The following CSMD3 variants were observed in gnomAD, a reference collection of about 807,000 sequenced individuals.
CSMD3 encodes the protein CUB and Sushi multiple domains 3.
In CSMD3, 177 loss-of-function variants were observed where a neutral mutation model predicts 435.2. That is an observed-to-expected ratio of 0.41 (90% CI 0.36 to 0.46). The LOEUF (loss-of-function observed/expected upper bound fraction) is 0.46, where lower values mean the gene tolerates loss of function less well. Among genes scored for constraint, CSMD3 ranks in the 20% least tolerant of loss-of-function variants. The pLI is 0.34. For missense variants in CSMD3, 4,265 were observed against 4,504.6 expected (o/e 0.95, Z 1.52); for synonymous variants, 1,656 against 1,520.5 (o/e 1.09, Z -2.07).
intron 11 of CSMD3, among the ~76,000 whole-genome samples, chr8:112,857,225 TTAAG>T (rs752779780): frequency 2.0e-5 from 3 of 151,670 alleles, no homozygotes; most frequent in Non-Finnish European, 4.4e-5. Flanking sequence ...CAGATCAAAA[TTAAG>T]TGTCTACATT....
chr8:112,727,124 C>T (rs1253438233), intron 13 of CSMD3, among the ~76,000 whole-genome samples: 2 of 151,598 alleles, frequency 1.3e-5, no homozygotes, highest in African/African-American at 4.8e-5. Context: ...TTTTCTGGAA[C>T]TATACAAATG....
intron 27 of CSMD3, among the ~76,000 whole-genome samples, chr8:112,529,654 A>G (rs1303235147): frequency 2.0e-5 from 3 of 151,952 alleles, no homozygotes; most frequent in Non-Finnish European, 2.9e-5. Context: ...TTGTTGGTAG[A>G]GACTCTAGAA....
At chr8:112,342,134 A>T (rs1415688479) in intron 41 of CSMD3, among the ~76,000 whole-genome samples, 1 of 152,166 alleles carries the variant, frequency 6.6e-6, no homozygotes, top group Non-Finnish European at 1.5e-5. Context: ...ATTAGAAGTT[A>T]TTCATTCACA....
intron 63 of CSMD3, among the ~76,000 whole-genome samples, chr8:112,253,102 G>A (rs1016604779): frequency 1.3e-5 from 2 of 151,724 alleles, no homozygotes; most frequent in South Asian, 2.1e-4. Context: ...TTAGTACACC[G>A]ACACTAACAT....
intron 4 of CSMD3, among the ~76,000 whole-genome samples, chr8:113,125,293 C>T (rs2091094624): frequency 6.6e-6 from 1 of 151,984 alleles, no homozygotes; most frequent in Admixed American, 6.6e-5. Flanking sequence ...TATGCCACAT[C>T]TGTGTATCTA....
At position 112,556,802 on chromosome 8, in the gene CSMD3, C is replaced by G. The variant is rs2131224301; in HGVS notation, c.4195G>C (p.Glu1399Gln). The G allele has an allele frequency of 1.2e-6, 2 of 1,612,458 alleles. No homozygotes were observed. The highest frequency in any genetic ancestry group is 1.7e-6 in the Non-Finnish European group (2 of 1,178,960). Residue 1399 changes from glutamate to glutamine, a missense_variant, in exon 25 of 71, where the codon GAG becomes CAG. Glu to Gln is a conservative substitution (Grantham distance 29). Coordinates refer to ENST00000297405, the MANE Select transcript of CSMD3 (RefSeq NM_198123.2). ...GSSLLKCMTG[E>Q]RRAWDYPLPS... Reference sequence around the variant, plus strand: ...AGAGGATAGTCCCATGCCCTTCTCTCCCCTGTCATGCACTTGAGAAGGCTA... The same window carrying G: ...AGAGGATAGTCCCATGCCCTTCTCTGCCCTGTCATGCACTTGAGAAGGCTA...
intron 19 of CSMD3, among the ~76,000 whole-genome samples, chr8:112,647,797 T>C (rs375951792): frequency 1.3e-5 from 2 of 152,310 alleles, no homozygotes; most frequent in East Asian, 3.9e-4. Context: ...CTAAATGAGA[T>C]TATTTTACAT....
At chr8:112,358,072 C>A (rs373044301) in intron 38 of CSMD3, among the ~76,000 whole-genome samples, 1 of 152,136 alleles carries the variant, frequency 6.6e-6, no homozygotes, top group South Asian at 2.1e-4. Context: ...TAAGAGGGAA[C>A]CTACCTCTTA....
At chr8:112,302,815 CA>C (rs986685413) in intron 52 of CSMD3, among the ~76,000 whole-genome samples, 18 of 150,636 alleles carry the variant, frequency 1.2e-4, no homozygotes, top group East Asian at 5.9e-4. Flanking sequence ...CTCATCCCCC[CA>C]AAAAAAATCA....
At chr8:113,143,600 C>T (rs2091601947) in intron 4 of CSMD3, among the ~76,000 whole-genome samples, 1 of 151,334 alleles carries the variant, frequency 6.6e-6, no homozygotes, top group South Asian at 2.1e-4. Context: ...TTCATGTCAT[C>T]AAATGCTAAT....
chr8:112,500,443 G>A (rs150068577), intron 30 of CSMD3, among the ~76,000 whole-genome samples: 75 of 152,126 alleles, frequency 4.9e-4, no homozygotes, highest in Admixed American at 9.8e-4. Context: ...AAACATTCAA[G>A]AAATAGATGA....
intron 1 of CSMD3, among the ~76,000 whole-genome samples, chr8:113,368,839 T>A (rs915714652): frequency 6.6e-6 from 1 of 152,066 alleles, no homozygotes; most frequent in Non-Finnish European, 1.5e-5. Context: ...TATCCCTTAA[T>A]CTTAGGTATT....
At chr8:113,040,504 T>C (rs1268652407) in intron 5 of CSMD3, among the ~76,000 whole-genome samples, 15 of 152,160 alleles carry the variant, frequency 9.9e-5, no homozygotes, top group Non-Finnish European at 1.6e-4. Context: ...GGGAATAGAA[T>C]TGATGGCAAT....
In CSMD3 at chr8:112,617,375, C is replaced by T. The variant is rs144432161; in HGVS notation, c.3715+19442G>A. ...TGGCCCAGGCCATTATTAAAATGGA[C>T]CAGATAAGTGCATGAATTAATGTTT... On this transcript the variant is annotated intron_variant, in intron 22 of 70. Coordinates refer to ENST00000297405, the MANE Select transcript of CSMD3 (RefSeq NM_198123.2). Among the ~76,000 whole-genome samples the T allele has an allele frequency of 1.6e-3, 239 of 152,188 alleles. 1 individual carries two copies. Among genetic ancestry groups the T allele is most frequent in the African/African-American group, 5.2e-3 (217 of 41,542 alleles).
chr8:113,289,559 AG>A (rs2093670901), intron 2 of CSMD3, among the ~76,000 whole-genome samples: 1 of 27,776 alleles, frequency 3.6e-5, no homozygotes, highest in Non-Finnish European at 6.5e-5. Flanking sequence ...AGAGACAGAG[AG>A]AGAGAGAGAG....
chr8:112,685,857 TATAAAAC>T (rs2075999193), intron 14 of CSMD3, 125 bp from the exon 15 acceptor site: 1 of 705,744 alleles, frequency 1.4e-6, no homozygotes, highest in Non-Finnish European at 2.3e-6. Context: ...TTATGTAAAT[TATAAAAC>T]AGAACAAAAC....
chr8:113,352,641 A>C (rs546535786), intron 1 of CSMD3, among the ~76,000 whole-genome samples: 2 of 152,256 alleles, frequency 1.3e-5, no homozygotes, highest in East Asian at 3.9e-4. Context: ...TCTCTTTAGG[A>C]GATGACATTT....
intron 1 of CSMD3, among the ~76,000 whole-genome samples, chr8:113,348,744 T>A (rs1298892774): frequency 2.0e-5 from 3 of 152,102 alleles, no homozygotes; most frequent in Admixed American, 2.0e-4. Flanking sequence ...GGGGTTTTTT[T>A]ATTTGTTTTA....
At chr8:112,782,613 T>A (rs1373602271) in intron 13 of CSMD3, among the ~76,000 whole-genome samples, 1 of 152,052 alleles carries the variant, frequency 6.6e-6, no homozygotes, top group African/African-American at 2.4e-5. Flanking sequence ...ATCAAGCATA[T>A]TTAATCCAAT....
Sources: gnomAD v4.1 joint callset for allele counts (sites outside exome capture counted in the v4.1 genomes callset) on GRCh38, gnomAD v4.1.1 for gene constraint, MANE v1.5 for transcripts, NCBI Gene and HGNC (gene_info 2026-07-23, HGNC 2026-07-21) for gene names.